The following CCDC136 variants were observed in gnomAD, a reference collection of about 807,000 sequenced individuals.
CCDC136 encodes coiled-coil domain containing 136, also known as coiled-coil domain-containing protein 136.
CCDC136 carries 100 observed loss-of-function variants against 141.2 expected under a neutral mutation model. The ratio of observed to expected loss-of-function variants is 0.71; its 90% CI spans 0.60 to 0.84. The LOEUF is 0.84. CCDC136 is among the 40% of genes least tolerant of loss of function. CCDC136 has a pLI of 0.00. For synonymous variants in CCDC136, 474 were observed against 531.9 expected, an observed-to-expected ratio of 0.89 and a Z score of 1.50; for missense variants, 1,206 against 1,379.4, an observed-to-expected ratio of 0.87 and a Z score of 1.99.
rs139213633 is a variant in CCDC136, at chr7:128,817,319, A to G, written c.3364-439A>G. Reference sequence around the variant, plus strand: ...ATTAGATTCCTAGGGGATCTAAGGGACCAGAGCCCAAAATACTAAGAAACT... The same window carrying G: ...ATTAGATTCCTAGGGGATCTAAGGGGCCAGAGCCCAAAATACTAAGAAACT... On this transcript the variant is annotated intron_variant, in intron 16 of 17. Transcript: ENST00000297788. The surrounding 1 kb of genome is among the most constrained non-coding windows in gnomAD (Gnocchi z 4.6). Among the ~76,000 whole-genome samples the G allele has an allele frequency of 3.3e-5, 5 of 152,268 alleles. No individual in the cohort carries two copies. The highest frequency in any genetic ancestry group is 1.2e-4 in the African/African-American group (5 of 41,548).
Position 128,811,988 on chromosome 7 carries a change from G to A in CCDC136, c.2217G>A (p.Met739Ile), listed in dbSNP as rs763295620. The A allele has an allele frequency of 4.3e-6, 7 of 1,613,898 alleles. No individual in the cohort carries two copies. In the East Asian group the frequency reaches 1.6e-4, roughly 36 times the overall value. Residue 739 changes from methionine to isoleucine, a missense_variant, in exon 13 of 18, where the codon ATG becomes ATA. Coordinates refer to ENST00000297788, the MANE Select transcript of CCDC136 (RefSeq NM_022742.5). ...AAGTCCAGTCCCCTTCTATAAAAAT[G>A]AGCCTTGAGTCCTACGGGAAGAGCT... ...LLQVQSPSIK[M>I]SLESYGKSYG...
intron 4 of CCDC136, among the ~76,000 whole-genome samples, chr7:128,801,755 A>C (rs1244359154): frequency 6.6e-6 from 1 of 152,174 alleles, no homozygotes; most frequent in Non-Finnish European, 1.5e-5. Flanking sequence ...ATGAAGTGAG[A>C]CCCTATCTCT....
chr7:128,808,575 A>G (rs1157371716), intron 10 of CCDC136: 18 of 985,298 alleles, frequency 1.8e-5, no homozygotes, highest in Non-Finnish European at 2.0e-5. Context: ...AAGAGGCCCA[A>G]GAGTCTCTAA....
In CCDC136 at chr7:128,809,436, G is replaced by T; in HGVS notation, c.1606-14G>T. The T allele has an allele frequency of 3.4e-6, 2 of 595,352 alleles. No homozygotes were observed. The highest frequency in any genetic ancestry group is 5.0e-6 in the Non-Finnish European group (2 of 398,696). The allele number at this position is 595,352 out of a possible 1,614,324, so 36.9% of individuals were successfully genotyped here. On this transcript the variant is annotated splice_polypyrimidine_tract_variant and intron_variant, in intron 10 of 17. Transcript: ENST00000297788. ...CAGAGTAACCACCCCCTCCACACCCGCCCCCACCCACAGTGTGACACACTG... is the reference window on the plus strand; with the variant it reads ...CAGAGTAACCACCCCCTCCACACCCTCCCCCACCCACAGTGTGACACACTG...
intron 13 of CCDC136, 113 bp from the exon 14 acceptor site, chr7:128,812,595 G>A (rs1473371160): frequency 3.6e-6 from 3 of 829,266 alleles, no homozygotes; most frequent in African/African-American, 3.4e-5. Flanking sequence ...ATCCCCCGCG[G>A]GCATCTCTGG....
At chr7:128,820,377 AAGG>A (rs1294190981) in intron 17 of CCDC136, among the ~76,000 whole-genome samples, 5 of 152,344 alleles carry the variant, frequency 3.3e-5, no homozygotes. Context: ...CCTAGTTTAA[AAGG>A]AGAGTTTGAC....
intron 10 of CCDC136, among the ~76,000 whole-genome samples, chr7:128,808,094 T>TGACACGATCTCAGCTCACTGCAGC (rs1805144783): frequency 6.6e-6 from 1 of 152,214 alleles, no homozygotes; most frequent in African/African-American, 2.4e-5. Context: ...GAGTGTGCAG[T>TGACACGATCTCAGCTCACTGCAGC]GACACGATCT....
At chr7:128,791,466 G>GAGGCGGA, upstream of CCDC136, 1 of 1,319,720 alleles carries the variant, frequency 7.6e-7, no homozygotes, top group East Asian at 3.1e-5. This position sits in a 1 kb window ranked among gnomAD's most constrained non-coding sequence, Gnocchi z 7.1. Context: ...TCTGCTCAGG[G>GAGGCGGA]AGGCGGAAGG....
chr7:128,806,015 G>C, intron 7 of CCDC136, 114 bp downstream of exon 7: 1 of 1,278,358 alleles, frequency 7.8e-7, no homozygotes, highest in Non-Finnish European at 1.1e-6. Context: ...CTCTTGCCCT[G>C]CAACTGGGCA....
intron 3 of CCDC136, among the ~76,000 whole-genome samples, chr7:128,798,160 G>A (rs1296661434): frequency 2.0e-5 from 3 of 148,240 alleles, no homozygotes; most frequent in South Asian, 4.3e-4. Flanking sequence ...CTCATGATCC[G>A]CCCGCCTCTG....
chr7:128,808,756 G>A (rs1005877909), intron 10 of CCDC136: 31 of 985,274 alleles, frequency 3.1e-5, no homozygotes, highest in Middle Eastern at 5.2e-4. Context: ...ACTCAATTTA[G>A]GAGCCCAGGT....
intron 12 of CCDC136, chr7:128,811,490 G>C (rs553377938): frequency 2.3e-6 from 1 of 429,112 alleles, no homozygotes; most frequent in East Asian, 5.8e-5. Flanking sequence ...GTGGTAGGGA[G>C]CCAGGGTGTT....
chr7:128,819,659 A>AT (rs931681055), intron 17 of CCDC136, among the ~76,000 whole-genome samples: 45 of 151,614 alleles, frequency 3.0e-4, no homozygotes, highest in African/African-American at 6.3e-4. Context: ...AGCTACTCCT[A>AT]TTTTTTTTTA....
intron 12 of CCDC136, among the ~76,000 whole-genome samples, chr7:128,810,649 G>A (rs1347655181): frequency 6.6e-6 from 1 of 152,240 alleles, no homozygotes; most frequent in Non-Finnish European, 1.5e-5. Flanking sequence ...GAGCTGGGAT[G>A]ACCAGAAGTC....
In CCDC136 at chr7:128,801,480, T is replaced by G; in HGVS notation, c.641T>G (p.Leu214Ter). 1 of 1,606,718 alleles carries G rather than the reference T, an allele frequency of 6.2e-7. No homozygotes were observed. The highest frequency in any genetic ancestry group is 8.5e-7 in the Non-Finnish European group (1 of 1,174,254). Residue 214 changes from leucine to a stop codon, truncating the protein, a stop_gained, in exon 4 of 18, where the codon TTA becomes TGA. Transcript: ENST00000297788. LOFTEE classifies it high-confidence loss of function. ...AAGAGCTCTGAACCATCCGGTAGTTTAGGTCTCTCAGATTACTCTGGGTTA... is the reference window on the plus strand; with the variant it reads ...AAGAGCTCTGAACCATCCGGTAGTTGAGGTCTCTCAGATTACTCTGGGTTA... ...EMKSSEPSGSLGLSDYSGLQE... is the reference protein window; with the variant it reads ...EMKSSEPSGS
At chr7:128,796,907 A>G (rs1020234790) in intron 3 of CCDC136, among the ~76,000 whole-genome samples, 1 of 148,600 alleles carries the variant, frequency 6.7e-6, no homozygotes, top group Non-Finnish European at 1.5e-5. Flanking sequence ...ACGCCCGGCT[A>G]ATTTTTTGTA....
intron 3 of CCDC136, among the ~76,000 whole-genome samples, chr7:128,795,713 A>G (rs1378591526): frequency 6.6e-6 from 1 of 152,048 alleles, no homozygotes; most frequent in African/African-American, 2.4e-5. Context: ...ACCACTTAGA[A>G]ATTGTGTGAT....
In CCDC136 at chr7:128,815,720, A is replaced by T. The variant is rs1806506399; in HGVS notation, c.3152A>T (p.Lys1051Ile). 14 of 1,557,074 alleles carry T rather than the reference A, an allele frequency of 9.0e-6. No individual in the cohort carries two copies. Among genetic ancestry groups the T allele is most frequent in the Non-Finnish European group, 1.2e-5 (14 of 1,150,336 alleles). ...EEMEEEKKQVKEEAKEQCGDE... is the reference protein window; with the variant it reads ...EEMEEEKKQVIEEAKEQCGDE... ...ATGGAGGAGGAAAAAAAGCAAGTGA[A>T]AGAGGAAGCAAAGGAGCAGTGTGGG... Residue 1051 changes from lysine to isoleucine, a missense_variant, in exon 16 of 18, where the codon AAA becomes ATA. Lys to Ile is a moderately radical substitution (Grantham distance 102). Coordinates refer to ENST00000297788, the MANE Select transcript of CCDC136 (RefSeq NM_022742.5).
intron 17 of CCDC136, among the ~76,000 whole-genome samples, chr7:128,819,829 AG>A (rs1224097477): frequency 6.6e-6 from 1 of 152,214 alleles, no homozygotes; most frequent in Non-Finnish European, 1.5e-5. Context: ...GGTCCCAAGT[AG>A]GAAGACACCA....
Sources: gnomAD v4.1 joint callset for allele counts (sites outside exome capture counted in the v4.1 genomes callset) on GRCh38, gnomAD v4.1.1 for gene constraint, Gnocchi (gnomAD v3.1) non-coding constraint, MANE v1.5 for transcripts, NCBI Gene and HGNC (gene_info 2026-07-23, HGNC 2026-07-21) for gene names.